PUF60: variants seen among roughly 807,000 people sequenced by gnomAD.
PUF60 encodes poly(U)-binding-splicing factor PUF60.
In PUF60, 10 loss-of-function variants were observed where a neutral mutation model predicts 61.8. The observed-to-expected ratio is 0.16, with a 90% CI of 0.10 to 0.27. The LOEUF is 0.27. Among genes scored for constraint, PUF60 ranks in the 10% least tolerant of loss-of-function variants. The pLI is 1.00. For synonymous variants in PUF60, 353 were observed against 300.9 expected (o/e 1.17, Z -1.79); for missense variants, 371 against 754.0 (o/e 0.49, Z 5.95).
In PUF60 at chr8:143,816,676, A is replaced by G. The variant is rs1286935251; in HGVS notation, c.1524T>C (p.Asp508=). The G allele has an allele frequency of 6.2e-7, 1 of 1,613,730 alleles. No individual in the cohort carries two copies. Among genetic ancestry groups the G allele is most frequent in the Non-Finnish European group, 8.5e-7 (1 of 1,179,880 alleles). The part of the protein sequence containing the change: ...IYQEKQGEEE[D]AEIIVKIFVE... ...CAAAGATCTTGACAATGATTTCTGCATCCTCCTCCTCGCCTTGTTTCTCTT... is the reference window on the plus strand; with the variant it reads ...CAAAGATCTTGACAATGATTTCTGCGTCCTCCTCCTCGCCTTGTTTCTCTT... The change falls in exon 12 of 12, where the codon GAT becomes GAC. Residue 508 remains aspartate (D), a synonymous_variant. Coordinates refer to ENST00000526683, the MANE Select transcript of PUF60 (RefSeq NM_078480.3).
intron 1 of PUF60, among the ~76,000 whole-genome samples, chr8:143,827,855 T>A (rs1395310716): frequency 1.3e-5 from 2 of 152,164 alleles, no homozygotes; most frequent in Non-Finnish European, 2.9e-5. Context: ...TGAGCCCCCA[T>A]TTAACCCTCA....
In PUF60 at chr8:143,818,063, T is replaced by G. The variant is rs1186198160; in HGVS notation, c.616A>C (p.Ser206Arg). 7 of 1,612,270 alleles carry G rather than the reference T, an allele frequency of 4.3e-6. No individual in the cohort carries two copies. Among genetic ancestry groups the G allele is most frequent in the African/African-American group, 1.3e-5 (1 of 74,904 alleles). ...ATGGGCTGGGCCTGCCCTATGTTGC[T>G]GGGTCTGCCCACCTGGGGAAGAGGC... ...GGRNIKVGRPSNIGQAQPIID... is the reference protein window; with the variant it reads ...GGRNIKVGRPRNIGQAQPIID... Residue 206 changes from serine (S) to arginine (R), a missense_variant, in exon 8 of 12, where the codon AGC becomes CGC. Physicochemically the swap from Ser to Arg is moderately radical, Grantham distance 110 (BLOSUM62 -1). Coordinates refer to ENST00000526683, the MANE Select transcript of PUF60 (RefSeq NM_078480.3). This position sits in a 1 kb window ranked among gnomAD's most constrained non-coding sequence, Gnocchi z 7.9.
In PUF60 at chr8:143,824,419, G is replaced by T. The variant is rs1292360783; in HGVS notation, c.25-20C>A. 4 of 1,609,190 alleles carry T rather than the reference G, an allele frequency of 2.5e-6. No individual in the cohort carries two copies. Among genetic ancestry groups the T allele is most frequent in the East Asian group, 2.2e-5 (1 of 44,882 alleles). On this transcript the variant is annotated intron_variant, in intron 1 of 11. Transcript: ENST00000526683. ...GACCTGCTGCAGGCAGGAAGGAGATGTTGTAACGACAGGCACACCACCCCA... is the reference window on the plus strand; with the variant it reads ...GACCTGCTGCAGGCAGGAAGGAGATTTTGTAACGACAGGCACACCACCCCA...
intron 2 of PUF60, chr8:143,823,345 G>A (rs974971103): frequency 1.3e-5 from 2 of 152,892 alleles, no homozygotes; most frequent in Non-Finnish European, 2.9e-5. Flanking sequence ...CTGGCCCCAA[G>A]CCCATTCCTC....
At position 143,818,521 on chromosome 8, in the gene PUF60, C is replaced by T; in HGVS notation, c.362G>A (p.Arg121Gln). The change falls in exon 6 of 12, where the codon CGG becomes CAG. Residue 121 changes from arginine to glutamine, a missense_variant. Transcript: ENST00000526683. The surrounding 1 kb of genome is among the most constrained non-coding windows in gnomAD (Gnocchi z 7.9). The part of the protein sequence containing the change: ...LSPLQSMAAQ[R>Q]QRALAIMCRV... ...GCACATGATGGCCAGCGCCCGCTGCCGCTGAGCCGCCATCTGCAGCAGGAC... is the reference window on the plus strand; with the variant it reads ...GCACATGATGGCCAGCGCCCGCTGCTGCTGAGCCGCCATCTGCAGCAGGAC... The T allele has an allele frequency of 1.3e-6, 2 of 1,595,830 alleles. No individual in the cohort carries two copies. Among genetic ancestry groups the T allele is most frequent in the Non-Finnish European group, 1.7e-6 (2 of 1,172,224 alleles).
At chr8:143,824,533 A>AC (rs1049567464) in intron 1 of PUF60, 134 bp from the exon 2 acceptor site, 6 of 863,814 alleles carry the variant, frequency 6.9e-6, no homozygotes, top group African/African-American at 5.1e-5. Flanking sequence ...TCCCGACATG[A>AC]CCCCCCAGCC....
At position 143,818,113 on chromosome 8, in the gene PUF60, C is replaced by T. The variant is rs769313362; in HGVS notation, c.604-38G>A. ...CGGTGAGATGGAAAGACCGGTCAAC[C>T]CAGGCCCGGCCACAAAAGGCTTCCG... On this transcript the variant is annotated intron_variant, in intron 7 of 11. Coordinates refer to ENST00000526683, the MANE Select transcript of PUF60 (RefSeq NM_078480.3). This position sits in a 1 kb window ranked among gnomAD's most constrained non-coding sequence, Gnocchi z 7.9. The T allele has an allele frequency of 1.2e-6, 2 of 1,604,378 alleles. No homozygotes were observed. The highest frequency in any genetic ancestry group is 1.3e-5 in the African/African-American group (1 of 74,900).
At chr8:143,827,733 G>A (rs2130444790) in intron 1 of PUF60, among the ~76,000 whole-genome samples, 1 of 152,338 alleles carries the variant, frequency 6.6e-6, no homozygotes, top group East Asian at 1.9e-4. Context: ...AAACCCAACA[G>A]AATTTGGATG....
rs1816562897 is a variant in PUF60, at chr8:143,818,025, C to T, written c.654G>A (p.Leu218=). 3 of 1,612,766 alleles carry T rather than the reference C, an allele frequency of 1.9e-6. No individual in the cohort carries two copies. In the African/African-American group the frequency reaches 4.0e-5, roughly 22 times the overall value. ...GGTTGAAGGCCCGTGCCTCCTCAGC[C>T]AACTGGTCTATGATGGGCTGGGCCT... ...IGQAQPIIDQ[L]AEEARAFNRI... The change falls in exon 8 of 12, where the codon TTG becomes TTA. Residue 218 remains leucine, a synonymous_variant. Transcript: ENST00000526683. This position sits in a 1 kb window ranked among gnomAD's most constrained non-coding sequence, Gnocchi z 7.9.
chr8:143,823,464 C>T (rs1167061072), intron 2 of PUF60, among the ~76,000 whole-genome samples: 1 of 152,244 alleles, frequency 6.6e-6, no homozygotes, highest in African/African-American at 2.4e-5. Flanking sequence ...TCAATCTCCT[C>T]TTTGTCTTGG....
chr8:143,829,282 G>A lies in PUF60; in HGVS notation c.22C>T (p.Leu8Phe). 2.4e-6 allele frequency: 3 copies of A among 1,267,476 alleles called. No individual in the cohort carries two copies. Among genetic ancestry groups the A allele is most frequent in the Non-Finnish European group, 3.0e-6 (3 of 999,624 alleles). The allele number at this position is 1,267,476 out of a possible 1,614,324, so 78.5% of individuals were successfully genotyped here. Residue 8 changes from leucine to phenylalanine, a missense_variant and splice_region_variant, in exon 1 of 12, where the codon CTC (leucine) becomes TTC (phenylalanine). Transcript: ENST00000526683. MATATIA[L>F]QVNGQQGGGS... ...CGCTCATGGGGGGGCTCACTTACGA[G>A]AGCTATGGTCGCCGTCGCCATCTTG... is the stretch of plus-strand genomic sequence containing the variant.
At chr8:143,820,876 G>T (rs1368607236) in intron 4 of PUF60, among the ~76,000 whole-genome samples, 160 bp from the exon 5 acceptor site, 1 of 152,174 alleles carries the variant, frequency 6.6e-6, no homozygotes, top group Non-Finnish European at 1.5e-5. Flanking sequence ...GCCCAGGGGG[G>T]CCGCAGCGCC....
chr8:143,828,523 A>C lies in PUF60; in HGVS notation c.24+757T>G, dbSNP rs1212876341. On this transcript the variant is annotated intron_variant, in intron 1 of 11. Transcript: ENST00000526683. ...GCCCTGCCCGGGGAAGTGGGCACTG[A>C]GCAGAGCAGGGGGCGACTCACTCCT... 3.3e-5 allele frequency among the ~76,000 whole-genome samples: 5 copies of C among 152,166 alleles called. No homozygotes were observed. The East Asian group carries it at 9.6e-4, about 29-fold the overall frequency.
chr8:143,828,142 C>A (rs924741807), intron 1 of PUF60, among the ~76,000 whole-genome samples: 1 of 152,222 alleles, frequency 6.6e-6, no homozygotes, highest in Non-Finnish European at 1.5e-5. Context: ...GCTGCCCTCG[C>A]AAGCTGGGTA....
In PUF60 at chr8:143,817,380, G is replaced by A. The variant is rs200345275; in HGVS notation, c.1095C>T (p.Gly365=). The change falls in exon 10 of 12, where the codon GGC becomes GGT. Residue 365 remains glycine (G), a synonymous_variant. Coordinates refer to ENST00000526683, the MANE Select transcript of PUF60 (RefSeq NM_078480.3). This position sits in a 1 kb window ranked among gnomAD's most constrained non-coding sequence, Gnocchi z 7.4. The part of the protein sequence containing the change: ...SPALTLAQPL[G]TLPQAVMAAQ... The stretch of plus-strand genomic sequence containing the variant: ...CAGCCATGACAGCCTGGGGCAAAGT[G>A]CCCAGGGGCTGGGCCAGGGTCAGTG... 2.5e-6 allele frequency: 4 copies of A among 1,594,464 alleles called. No homozygotes were observed. The African/African-American group carries it at 4.1e-5, about 16-fold the overall frequency.
chr8:143,823,784 A>C (rs1183837916), intron 2 of PUF60, among the ~76,000 whole-genome samples: 1 of 152,228 alleles, frequency 6.6e-6, no homozygotes, highest in African/African-American at 2.4e-5. Context: ...CATCGAACAG[A>C]CCAAGACCCA....
chr8:143,828,053 G>C (rs1008594112), intron 1 of PUF60, among the ~76,000 whole-genome samples: 1 of 152,198 alleles, frequency 6.6e-6, no homozygotes, highest in African/African-American at 2.4e-5. Flanking sequence ...CCCCTCAAAG[G>C]TCACTTACTC....
rs200407902 is a variant in PUF60 at position 143,817,490 on chromosome 8, C to T, written c.1009-24G>A. ...TCCTGCAACCCAAAAGGTCACCGTG[C>T]TCAGTCCCTGGTCTGGCTACTCAAG... On this transcript the variant is annotated intron_variant, in intron 9 of 11. Transcript: ENST00000526683. The surrounding 1 kb of genome is among the most constrained non-coding windows in gnomAD (Gnocchi z 7.4). 28 of 1,609,842 alleles carry T rather than the reference C, an allele frequency of 1.7e-5. No individual in the cohort carries two copies. Among genetic ancestry groups the T allele is most frequent in the Non-Finnish European group, 2.5e-6 (3 of 1,179,120 alleles).
Position 143,824,347 on chromosome 8 carries a change from A to ACTG in PUF60, c.74_76dup (p.Ala25dup), listed in dbSNP as rs777536361. On this transcript the variant is annotated inframe_insertion, in exon 2 of 12. Transcript: ENST00000526683. ...TTTCCATTTGTCTCCCGCTGCCACC[A>ACTG]CTGCCGCCGCCGCCGCCGGCTCGGA... The ACTG allele has an allele frequency of 2.7e-4, 430 of 1,612,418 alleles. 1 individual carries two copies. The highest frequency in any genetic ancestry group is 3.4e-4 in the Non-Finnish European group (404 of 1,179,658).
Sources: gnomAD v4.1 joint callset for allele counts (sites outside exome capture counted in the v4.1 genomes callset) on GRCh38, gnomAD v4.1.1 for gene constraint, Gnocchi (gnomAD v3.1) non-coding constraint, MANE v1.5 for transcripts, NCBI Gene and HGNC (gene_info 2026-07-23, HGNC 2026-07-21) for gene names.